The following PTPN5 variants were observed in gnomAD, a reference collection of about 807,000 sequenced individuals.
PTPN5 encodes the protein protein tyrosine phosphatase non-receptor type 5.
Under a neutral mutation model 73.9 loss-of-function variants are expected in PTPN5, and 29 were observed. That is an observed-to-expected ratio of 0.39 (90% CI 0.29 to 0.54). The LOEUF (loss-of-function observed/expected upper bound fraction) is 0.54. Among genes scored for constraint, PTPN5 ranks in the 20% least tolerant of loss-of-function variants. The pLI is 0.65. For missense variants in PTPN5, 652 were observed against 751.4 expected, an observed-to-expected ratio of 0.87 and a Z score of 1.55; for synonymous variants, 267 against 304.7, an observed-to-expected ratio of 0.88 and a Z score of 1.29.
chr11:18,737,919 C>T lies in PTPN5; in HGVS notation c.961G>A (p.Gly321Arg). 6.2e-7 allele frequency: 1 copy of T among 1,614,192 alleles called. No homozygotes were observed. Among genetic ancestry groups the T allele is most frequent in the East Asian group, 2.2e-5 (1 of 44,880 alleles). The change falls in exon 9 of 15, where the codon GGG becomes AGG. Residue 321 changes from glycine to arginine, a missense_variant. This residue lies in a region of PTPN5 where 529 missense variants were observed against 573.9 expected (regional missense o/e 0.92). Coordinates refer to ENST00000358540, the MANE Select transcript of PTPN5 (RefSeq NM_006906.2). ...FVDPKEYDIP[G>R]LVRKNRYKTI... The stretch of plus-strand genomic sequence containing the variant: ...TTGTACCGGTTCTTCCGCACCAGCC[C>T]AGGGATGTCGTACTCTTTCGGATCC...
chr11:18,790,614 A>T (rs971355555), intron 1 of PTPN5, among the ~76,000 whole-genome samples: 20 of 151,912 alleles, frequency 1.3e-4, no homozygotes, highest in African/African-American at 4.8e-4. Context: ...TTGGTACCAT[A>T]GGTAGGGAAG....
intron 3 of PTPN5, among the ~76,000 whole-genome samples, chr11:18,746,162 A>AT (rs1849612886): frequency 5.0e-4 from 34 of 67,668 alleles, no homozygotes; most frequent in African/African-American, 1.2e-3. Context: ...TATAAATATA[A>AT]ATATATATAT....
chr11:18,791,460 A>G (rs1851923628), intron 1 of PTPN5, 65 bp downstream of exon 1: 7 of 151,850 alleles, frequency 4.6e-5, no homozygotes, highest in Admixed American at 4.6e-4. Flanking sequence ...CGCCCGAAGG[A>G]GGGACCCGCG....
intron 1 of PTPN5, among the ~76,000 whole-genome samples, chr11:18,779,222 C>T (rs757865830): frequency 6.6e-6 from 1 of 152,180 alleles, no homozygotes; most frequent in Admixed American, 6.5e-5. Context: ...TGGCTCACGT[C>T]ATGGCAACCT....
chr11:18,746,601 T>C (rs1005127508), intron 3 of PTPN5, among the ~76,000 whole-genome samples: 1 of 152,176 alleles, frequency 6.6e-6, no homozygotes, highest in Non-Finnish European at 1.5e-5. Context: ...AATTAATTCT[T>C]GTCTTCAAAA....
intron 2 of PTPN5, among the ~76,000 whole-genome samples, chr11:18,770,256 G>C (rs1850820563): frequency 6.6e-6 from 1 of 152,086 alleles, no homozygotes; most frequent in Admixed American, 6.5e-5. Context: ...GAATATTTTT[G>C]TCACCCCAAA....
rs141339935 is a variant in PTPN5, at chr11:18,776,882, C to T, written c.-113-4811G>A. ...GGCTCATTAAAAACACCATAAAGGGCCAGGCACGGTGGCTCATGCCTGTAA... is the reference window on the plus strand; with the variant it reads ...GGCTCATTAAAAACACCATAAAGGGTCAGGCACGGTGGCTCATGCCTGTAA... On this transcript the variant is annotated intron_variant, in intron 1 of 14. Coordinates refer to ENST00000358540, the MANE Select transcript of PTPN5 (RefSeq NM_006906.2). Among the ~76,000 whole-genome samples the T allele has an allele frequency of 6.8e-3, 1,041 of 152,298 alleles. 19 individuals carry two copies. The highest frequency in any genetic ancestry group is 0.024 in the African/African-American group (992 of 41,554).
rs566082163 is a variant in PTPN5, at chr11:18,787,326, CAT to C, written c.-114+4197_-114+4198del. On this transcript the variant is annotated intron_variant, in intron 1 of 14. Transcript: ENST00000358540. ...TAAATGGTCATTTCCAACATTCATT[CAT>C]TCATTCATTCATTCACTCATTCAAC... Among the ~76,000 whole-genome samples, 51 of 152,322 alleles carry C rather than the reference CAT, an allele frequency of 3.3e-4. 4 individuals carry two copies. In the South Asian group the frequency reaches 0.01, roughly 30 times the overall value.
chr11:18,756,198 G>C (rs1248080891), intron 3 of PTPN5, among the ~76,000 whole-genome samples: 1 of 151,826 alleles, frequency 6.6e-6, no homozygotes, highest in Non-Finnish European at 1.5e-5. Flanking sequence ...TATTTTAAAA[G>C]GCAACATTAC....
chr11:18,789,851 T>C (rs1412663762), intron 1 of PTPN5, among the ~76,000 whole-genome samples: 1 of 152,154 alleles, frequency 6.6e-6, no homozygotes, highest in East Asian at 1.9e-4. Context: ...GTGTATACTC[T>C]GGGTGATGGG....
Position 18,733,178 on chromosome 11 carries a change from A to G in PTPN5, c.1218+57T>C, listed in dbSNP as rs191904287. 61 of 1,578,224 alleles carry G rather than the reference A, an allele frequency of 3.9e-5. No homozygotes were observed. In the African/African-American group the frequency reaches 7.9e-4, roughly 21 times the overall value. ...TCATAAAGATTAATTTGAGAACAAG[A>G]TACTTAGTGTAGGGCGCAATGTAGC... On this transcript the variant is annotated intron_variant, in intron 11 of 14. Transcript: ENST00000358540. The surrounding 1 kb of genome is among the most constrained non-coding windows in gnomAD (Gnocchi z 4.3).
At chr11:18,763,174 G>A (rs1198044585) in intron 3 of PTPN5, among the ~76,000 whole-genome samples, 1 of 152,206 alleles carries the variant, frequency 6.6e-6, no homozygotes, top group Non-Finnish European at 1.5e-5. Context: ...GCCTCTGCAA[G>A]CAGGACTTCC....
At chr11:18,740,946 C>T (rs921026954) in intron 7 of PTPN5, among the ~76,000 whole-genome samples, 154 bp from the exon 8 acceptor site, 5 of 151,970 alleles carry the variant, frequency 3.3e-5, no homozygotes, top group African/African-American at 1.2e-4. Context: ...GACCCCCTGA[C>T]AAAGAAGCGT....
intron 3 of PTPN5, among the ~76,000 whole-genome samples, chr11:18,744,881 G>C (rs1849545771): frequency 6.6e-6 from 1 of 152,220 alleles, no homozygotes; most frequent in Admixed American, 6.5e-5. Context: ...GATGGGGTTT[G>C]GGTTCAACCC....
In PTPN5 at chr11:18,733,532, G is replaced by A; in HGVS notation, c.1080+24C>T. ...GACTCAGGCCTCCCCTTGAGCAAGA[G>A]GCCGTCAGGGTGGGAATACGTACCC... On this transcript the variant is annotated intron_variant, in intron 10 of 14. Transcript: ENST00000358540. This position sits in a 1 kb window ranked among gnomAD's most constrained non-coding sequence, Gnocchi z 4.3. 1 of 1,613,768 alleles carries A rather than the reference G, an allele frequency of 6.2e-7. No homozygotes were observed. Among genetic ancestry groups the A allele is most frequent in the Non-Finnish European group, 8.5e-7 (1 of 1,179,664 alleles).
rs145769003 is a variant in PTPN5 at position 18,772,859 on chromosome 11, G to A, written c.-113-788C>T. Among the ~76,000 whole-genome samples the A allele has an allele frequency of 3.3e-3, 498 of 152,308 alleles. 4 individuals are homozygous for A. The highest frequency in any genetic ancestry group is 9.6e-3 in the African/African-American group (399 of 41,558). ...AAGGCAATGGTGACACAGGTGACCC[G>A]TGTGCGGGGAGACGAGCAGGGTGCC... On this transcript the variant is annotated intron_variant, in intron 1 of 14. Transcript: ENST00000358540.
intron 4 of PTPN5, 169 bp downstream of exon 4, chr11:18,743,837 A>T: frequency 1.3e-6 from 1 of 751,834 alleles, no homozygotes; most frequent in Non-Finnish European, 2.0e-6. Context: ...GGTAGCTCAG[A>T]ATTCCAGCCT....
At chr11:18,750,116 C>T (rs1353899754) in intron 3 of PTPN5, among the ~76,000 whole-genome samples, 1 of 152,132 alleles carries the variant, frequency 6.6e-6, no homozygotes, top group African/African-American at 2.4e-5. Flanking sequence ...GTGGCTTGCC[C>T]CAGGTCCACA....
At chr11:18,740,322 G>A (rs1849305956) in intron 8 of PTPN5, 2 of 272,336 alleles carry the variant, frequency 7.3e-6, no homozygotes, top group African/African-American at 4.4e-5. Context: ...TAAAGACTTA[G>A]CATTGTCACT....
Sources: gnomAD v4.1 joint callset for allele counts (sites outside exome capture counted in the v4.1 genomes callset) on GRCh38, gnomAD v4.1.1 for gene constraint, gnomAD v4.1.1 regional missense constraint, Gnocchi (gnomAD v3.1) non-coding constraint, MANE v1.5 for transcripts, NCBI Gene and HGNC (gene_info 2026-07-23, HGNC 2026-07-21) for gene names.